Variants in XKR4 observed in about 807,000 individuals in gnomAD.
The protein encoded by XKR4 is XK-related protein 4.
Under a neutral mutation model 53.9 loss-of-function variants are expected in XKR4, and 12 were observed. The observed-to-expected ratio is 0.22, with a 90% CI of 0.14 to 0.36. XKR4 has a LOEUF of 0.36. Among genes scored for constraint, XKR4 ranks in the 10% least tolerant of loss-of-function variants. XKR4 has a pLI of 1.00. For synonymous variants in XKR4, 354 were observed against 362.4 expected (o/e 0.98, Z 0.26); for missense variants, 799 against 859.5 (o/e 0.93, Z 0.88).
intron 2 of XKR4, among the ~76,000 whole-genome samples, chr8:55,364,725 C>G (rs972232462): frequency 6.6e-6 from 1 of 152,096 alleles, no homozygotes; most frequent in Non-Finnish European, 1.5e-5. Flanking sequence ...CTCTGCCTCC[C>G]GAATTCAATC....
At chr8:55,245,324 T>C (rs34029286) in intron 1 of XKR4, among the ~76,000 whole-genome samples, 23,311 of 152,172 alleles carry the variant, frequency 0.15, 2,162 homozygotes, top group Non-Finnish European at 0.21. Flanking sequence ...TCACATTCTG[T>C]AGGTTGTTTA....
At chr8:55,191,562 C>G (rs1477201436) in intron 1 of XKR4, among the ~76,000 whole-genome samples, 1 of 152,012 alleles carries the variant, frequency 6.6e-6, no homozygotes, top group East Asian at 1.9e-4. Flanking sequence ...GCTTTAATGT[C>G]TATGTAAATA....
intron 1 of XKR4, among the ~76,000 whole-genome samples, chr8:55,138,815 T>C (rs73596966): frequency 0.025 from 3,770 of 152,260 alleles, 147 homozygotes; most frequent in African/African-American, 0.083. Flanking sequence ...TTTTATTTTT[T>C]TGGAGATGAG....
At chr8:55,342,301 C>T (rs1803560939) in intron 1 of XKR4, among the ~76,000 whole-genome samples, 1 of 152,096 alleles carries the variant, frequency 6.6e-6, no homozygotes. Flanking sequence ...CCCAGTTCCT[C>T]ACTGCTATTG....
At chr8:55,210,231 C>T (rs896774981) in intron 1 of XKR4, among the ~76,000 whole-genome samples, 1 of 151,940 alleles carries the variant, frequency 6.6e-6, no homozygotes, top group African/African-American at 2.4e-5. Flanking sequence ...ATTACAGGTG[C>T]TCGCCACCAC....
chr8:55,386,435 A>C (rs1804316216), intron 2 of XKR4, among the ~76,000 whole-genome samples: 1 of 152,212 alleles, frequency 6.6e-6, no homozygotes, highest in African/African-American at 2.4e-5. Flanking sequence ...TAAAAGTCTT[A>C]CCTAATGGTT....
intron 2 of XKR4, among the ~76,000 whole-genome samples, chr8:55,486,601 T>C (rs1280764134): frequency 1.3e-5 from 2 of 152,242 alleles, no homozygotes; most frequent in African/African-American, 4.8e-5. Flanking sequence ...CACAATTGAA[T>C]AGTTTGGCAG....
In XKR4 at chr8:55,529,925, T is replaced by C. The variant is rs1327715530; in HGVS notation, c.*5698T>C. On this transcript the variant is annotated 3_prime_UTR_variant, in exon 3 of 3. Coordinates refer to ENST00000327381, the MANE Select transcript of XKR4 (RefSeq NM_052898.2). Reference sequence around the variant, plus strand: ...TAGGCAGATAAATGCTATTCTTCCATTCCAGGCAACTGTCCCCCTCCTATG... The same window carrying C: ...TAGGCAGATAAATGCTATTCTTCCACTCCAGGCAACTGTCCCCCTCCTATG... 1.3e-5 allele frequency: 2 copies of C among 152,328 alleles called. No homozygotes were observed. Among genetic ancestry groups the C allele is most frequent in the East Asian group, 3.9e-4 (2 of 5,188 alleles). 9.4% of individuals were successfully genotyped at this position (152,328 alleles called of 1,614,324 possible).
chr8:55,262,026 T>TTGA (rs1248589321), intron 1 of XKR4, among the ~76,000 whole-genome samples: 1 of 152,154 alleles, frequency 6.6e-6, no homozygotes, highest in African/African-American at 2.4e-5. Flanking sequence ...TTTCAATGAA[T>TTGA]AAGGTTGAGA....
At chr8:55,462,273 A>C (rs1245742405) in intron 2 of XKR4, among the ~76,000 whole-genome samples, 4 of 152,240 alleles carry the variant, frequency 2.6e-5, no homozygotes, top group Admixed American at 6.5e-5. Context: ...AACAGCTGAT[A>C]GCTTGGCAGA....
At chr8:55,219,444 G>A (rs1165143515) in intron 1 of XKR4, among the ~76,000 whole-genome samples, 1 of 152,154 alleles carries the variant, frequency 6.6e-6, no homozygotes, top group Non-Finnish European at 1.5e-5. Flanking sequence ...TGGGGCGGGG[G>A]AAGTGAGTCG....
intron 1 of XKR4, among the ~76,000 whole-genome samples, chr8:55,149,038 CT>C (rs915126340): frequency 5.3e-5 from 8 of 150,546 alleles, no homozygotes; most frequent in South Asian, 2.1e-4. Flanking sequence ...AACACATTTA[CT>C]TTTTTTTTTC....
intron 1 of XKR4, among the ~76,000 whole-genome samples, chr8:55,217,241 CAAA>C (rs35294638): frequency 4.7e-5 from 5 of 106,036 alleles, no homozygotes; most frequent in African/African-American, 3.8e-5. Context: ...GACTCTGTCT[CAAA>C]AAAAAAAAAA....
intron 2 of XKR4, among the ~76,000 whole-genome samples, chr8:55,493,626 T>A (rs1806301806): frequency 6.6e-6 from 1 of 152,228 alleles, no homozygotes; most frequent in Non-Finnish European, 1.5e-5. Context: ...TTAATGACTC[T>A]ATTTTTGAAA....
At chr8:55,280,852 A>C (rs1818836372) in intron 1 of XKR4, among the ~76,000 whole-genome samples, 1 of 152,246 alleles carries the variant, frequency 6.6e-6, no homozygotes, top group African/African-American at 2.4e-5. Flanking sequence ...TAATATATAT[A>C]GGTATGAAGA....
intron 1 of XKR4, among the ~76,000 whole-genome samples, chr8:55,210,607 G>T (rs967938159): frequency 6.6e-6 from 1 of 152,172 alleles, no homozygotes; most frequent in East Asian, 1.9e-4. Flanking sequence ...TATTGTTGAG[G>T]GATTTGAAGA....
At chr8:55,418,224 G>A (rs972273212) in intron 2 of XKR4, among the ~76,000 whole-genome samples, 1 of 152,196 alleles carries the variant, frequency 6.6e-6, no homozygotes, top group African/African-American at 2.4e-5. Flanking sequence ...TGGAGGGGGT[G>A]TGGATAGCCG....
Position 55,501,769 on chromosome 8 carries a change from G to A in XKR4, c.1007-21512G>A, listed in dbSNP as rs148982499. Among the ~76,000 whole-genome samples, 6 of 152,076 alleles carry A rather than the reference G, an allele frequency of 3.9e-5. No individual in the cohort carries two copies. In the East Asian group the frequency reaches 1.2e-3, roughly 29 times the overall value. On this transcript the variant is annotated intron_variant, in intron 2 of 2. Transcript: ENST00000327381. The stretch of plus-strand genomic sequence containing the variant: ...GTTGTTTCCACTTTTTGGCTATTGT[G>A]AGTAATGCTGTTATGAACATGGGTG...
chr8:55,353,165 G>A lies in XKR4; in HGVS notation c.807-4513G>A, dbSNP rs182304723. The stretch of plus-strand genomic sequence containing the variant: ...AACAAGATCAAACACTGATAGAAAA[G>A]TGTTAGGGTTGAATCGTGTCCTCCC... On this transcript the variant is annotated intron_variant, in intron 1 of 2. Coordinates refer to ENST00000327381, the MANE Select transcript of XKR4 (RefSeq NM_052898.2). 3.2e-3 allele frequency among the ~76,000 whole-genome samples: 493 copies of A among 152,282 alleles called. 6 individuals carry two copies. Among genetic ancestry groups the A allele is most frequent in the African/African-American group, 0.011 (469 of 41,546 alleles).
Sources: allele counts gnomAD v4.1 joint callset (sites outside exome capture counted in the v4.1 genomes callset), GRCh38; gene constraint gnomAD v4.1.1; transcripts MANE v1.5; gene names NCBI Gene and HGNC (gene_info 2026-07-23, HGNC 2026-07-21).